The following CLSTN2 variants were observed in gnomAD, a reference collection of about 807,000 sequenced individuals.
The protein encoded by CLSTN2 is calsyntenin-2.
CLSTN2 carries 48 observed loss-of-function variants against 101.2 expected under a neutral mutation model. That is an observed-to-expected ratio of 0.47 (90% CI 0.38 to 0.60). The LOEUF (loss-of-function observed/expected upper bound fraction) is 0.60. Ranked by LOEUF, CLSTN2 falls within the 20% of genes least tolerant of loss-of-function variation. The pLI is 0.00. For synonymous variants in CLSTN2, 481 were observed against 463.6 expected (o/e 1.04, Z -0.48); for missense variants, 1,160 against 1,238.2 (o/e 0.94, Z 0.95).
At chr3:139,997,359 C>T (rs1290953039) in intron 1 of CLSTN2, among the ~76,000 whole-genome samples, 1 of 149,026 alleles carries the variant, frequency 6.7e-6, no homozygotes. Context: ...GACGCAAACA[C>T]ACACAGAAGG....
intron 4 of CLSTN2, among the ~76,000 whole-genome samples, chr3:140,419,556 C>T (rs536536847): frequency 4.3e-5 from 2 of 46,930 alleles, no homozygotes; most frequent in African/African-American, 3.0e-4. Context: ...TATACGTGTA[C>T]GTATATATGT....
chr3:140,421,469 G>C (rs965604338), intron 5 of CLSTN2, among the ~76,000 whole-genome samples, 195 bp downstream of exon 5: 1 of 152,170 alleles, frequency 6.6e-6, no homozygotes, highest in African/African-American at 2.4e-5. Context: ...GAATGTCGAA[G>C]ACATCTCCTC....
intron 8 of CLSTN2, among the ~76,000 whole-genome samples, chr3:140,529,360 T>C (rs757797146): frequency 6.6e-6 from 1 of 152,220 alleles, no homozygotes; most frequent in Non-Finnish European, 1.5e-5. Flanking sequence ...CAGGCATCAT[T>C]CTGGGGGATG....
At chr3:140,156,559 G>C (rs75329659) in intron 1 of CLSTN2, among the ~76,000 whole-genome samples, 175 of 152,282 alleles carry the variant, frequency 1.1e-3, no homozygotes, top group African/African-American at 3.9e-3. Flanking sequence ...CCAGCTGCTG[G>C]GCAGTGAAAG....
chr3:140,051,902 T>C (rs2008003369), intron 1 of CLSTN2, among the ~76,000 whole-genome samples: 1 of 152,226 alleles, frequency 6.6e-6, no homozygotes, highest in South Asian at 2.1e-4. Context: ...CAGTTGCTGA[T>C]GCAGGTGATC....
chr3:140,370,462 A>G (rs775624641), intron 2 of CLSTN2, among the ~76,000 whole-genome samples: 4 of 152,038 alleles, frequency 2.6e-5, no homozygotes, highest in Non-Finnish European at 4.4e-5. Context: ...GTAGGTGCTC[A>G]GTATATATGT....
intron 1 of CLSTN2, among the ~76,000 whole-genome samples, chr3:139,960,285 C>A (rs1172983692): frequency 6.6e-6 from 1 of 152,192 alleles, no homozygotes; most frequent in Non-Finnish European, 1.5e-5. Flanking sequence ...GTGCCGTATG[C>A]ATCCTCTCAT....
chr3:139,989,507 C>T (rs1050363577), intron 1 of CLSTN2, among the ~76,000 whole-genome samples: 2 of 152,220 alleles, frequency 1.3e-5, no homozygotes, highest in African/African-American at 2.4e-5. Flanking sequence ...CACTCTCCAT[C>T]CTTCTGGGTG....
chr3:140,247,979 C>A (rs932497826), intron 2 of CLSTN2, among the ~76,000 whole-genome samples: 2 of 152,132 alleles, frequency 1.3e-5, no homozygotes, highest in South Asian at 4.1e-4. Context: ...TAAAAGCTCC[C>A]AGGGTTGAGG....
chr3:140,341,782 A>T (rs1426075892), intron 2 of CLSTN2, among the ~76,000 whole-genome samples: 1 of 152,322 alleles, frequency 6.6e-6, no homozygotes, highest in African/African-American at 2.4e-5. Flanking sequence ...CTACAGTTAC[A>T]ATGTCCTGGC....
Position 139,963,766 on chromosome 3 carries a change from G to A in CLSTN2, c.109+28283G>A, listed in dbSNP as rs1261720159. ...TGCAGTTACATCCAGGAGACCTGTG[G>A]TGAGCATAATGGGCTGTAGTTTGTG... On this transcript the variant is annotated intron_variant, in intron 1 of 16. Transcript: ENST00000458420. Among the ~76,000 whole-genome samples the A allele has an allele frequency of 2.8e-4, 43 of 152,198 alleles. 1 individual carries two copies. Among genetic ancestry groups the A allele is most frequent in the Non-Finnish European group, 2.9e-5 (2 of 68,034 alleles).
At chr3:140,491,559 C>T (rs554920227) in intron 8 of CLSTN2, among the ~76,000 whole-genome samples, 5 of 152,334 alleles carry the variant, frequency 3.3e-5, no homozygotes, top group South Asian at 2.1e-4. Context: ...TGGTAGCTCA[C>T]GCCTGTAATC....
intron 1 of CLSTN2, among the ~76,000 whole-genome samples, chr3:140,123,705 G>A (rs904293055): frequency 6.6e-6 from 1 of 152,052 alleles, no homozygotes; most frequent in Non-Finnish European, 1.5e-5. Context: ...TTGGCTTCTG[G>A]TAAGGCCTCT....
At chr3:140,322,200 C>T (rs1456758270) in intron 2 of CLSTN2, among the ~76,000 whole-genome samples, 1 of 152,236 alleles carries the variant, frequency 6.6e-6, no homozygotes, top group Non-Finnish European at 1.5e-5. Flanking sequence ...TAATGCATTT[C>T]TGGTCTCCAT....
intron 2 of CLSTN2, among the ~76,000 whole-genome samples, chr3:140,378,513 C>T (rs137897154): frequency 7.2e-5 from 11 of 152,338 alleles, no homozygotes; most frequent in Non-Finnish European, 1.2e-4. Flanking sequence ...GAGCTCAAGA[C>T]GCAGTTAATT....
At chr3:140,027,724 A>G (rs2007451210) in intron 1 of CLSTN2, among the ~76,000 whole-genome samples, 1 of 152,174 alleles carries the variant, frequency 6.6e-6, no homozygotes, top group African/African-American at 2.4e-5. Context: ...AGTGTCATCC[A>G]CAGTAAAGGA....
At chr3:140,348,871 C>A (rs1005003321) in intron 2 of CLSTN2, among the ~76,000 whole-genome samples, 1 of 152,236 alleles carries the variant, frequency 6.6e-6, no homozygotes, top group South Asian at 2.1e-4. Context: ...AGTCTCTCCC[C>A]TGTTCTCCCA....
chr3:140,161,855 T>C (rs1412599372), intron 1 of CLSTN2, among the ~76,000 whole-genome samples: 2 of 152,342 alleles, frequency 1.3e-5, no homozygotes, highest in Middle Eastern at 3.4e-3. Context: ...CAAAGAGCTT[T>C]CGTTTTGTAG....
At chr3:140,142,262 T>A (rs1255258041) in intron 1 of CLSTN2, among the ~76,000 whole-genome samples, 1 of 152,178 alleles carries the variant, frequency 6.6e-6, no homozygotes, top group Non-Finnish European at 1.5e-5. Context: ...GTTAATTTCA[T>A]CAGGACTAAT....
Sources: gnomAD v4.1 joint callset for allele counts (sites outside exome capture counted in the v4.1 genomes callset) on GRCh38, gnomAD v4.1.1 for gene constraint, MANE v1.5 for transcripts, NCBI Gene and HGNC (gene_info 2026-07-23, HGNC 2026-07-21) for gene names.